The following PPP1R13B variants were observed in gnomAD, a reference collection of about 807,000 sequenced individuals.
PPP1R13B encodes protein phosphatase 1 regulatory subunit 13B.
In PPP1R13B, 44 loss-of-function variants were observed where a neutral mutation model predicts 119.8. The observed-to-expected ratio is 0.37, with a 90% CI of 0.29 to 0.47. The LOEUF (loss-of-function observed/expected upper bound fraction) is 0.47. PPP1R13B is among the 20% of genes least tolerant of loss of function. PPP1R13B has a pLI of 0.99. For synonymous variants in PPP1R13B, 542 were observed against 561.5 expected (o/e 0.97, Z 0.49); for missense variants, 1,227 against 1,413.5 (o/e 0.87, Z 2.12).
intron 14 of PPP1R13B, 135 bp from the exon 15 acceptor site, chr14:103,737,995 T>A: frequency 1.9e-6 from 2 of 1,061,758 alleles, no homozygotes; most frequent in African/African-American, 1.6e-5. Context: ...GTTGTTTCTT[T>A]AAAGGCAGGA....
chr14:103,831,800 G>C (rs1317931160), intron 1 of PPP1R13B, among the ~76,000 whole-genome samples: 3 of 152,016 alleles, frequency 2.0e-5, no homozygotes, highest in Admixed American at 6.6e-5. Flanking sequence ...GCCAGGCATG[G>C]TGACACATGG....
chr14:103,773,890 T>C (rs935884090), intron 4 of PPP1R13B, among the ~76,000 whole-genome samples: 5 of 152,228 alleles, frequency 3.3e-5, no homozygotes, highest in Non-Finnish European at 7.3e-5. Context: ...TGAAATGTTA[T>C]CTGGCCTAGG....
rs1393933091 is a variant in PPP1R13B at position 103,737,833 on chromosome 14, A to T, written c.2892T>A (p.Cys964Ter). ...GCTGTTTGCAGAGGTGAACGCTGTT[A>T]CAAGAGGCAGCGCAGTGCAGCGGCG... is the stretch of plus-strand genomic sequence containing the variant. ...GWTPLHCAAS[C>*]NSVHLCKQLV... Residue 964 changes from cysteine (C) to a stop codon, truncating the protein, a stop_gained, in exon 15 of 17, where the codon TGT (cysteine) becomes TGA (stop). Transcript: ENST00000202556. LOFTEE classifies it high-confidence loss of function. The T allele has an allele frequency of 6.2e-7, 1 of 1,614,180 alleles. No homozygotes were observed.
Position 103,740,304 on chromosome 14 carries a change from G to C in PPP1R13B, c.2112C>G (p.Pro704=). The change falls in exon 12 of 17, where the codon CCC becomes CCG. Residue 704 remains proline, a synonymous_variant. Transcript: ENST00000202556. This position sits in a 1 kb window ranked among gnomAD's most constrained non-coding sequence, Gnocchi z 4.6. ...CTGTGATGGAGCTGCGCTTTTTCAG[G>C]GGCCGGGGCGCGTTGGCCAGCTTCC... The part of the protein sequence containing the change: ...LRRKLANAPR[P]LKKRSSITEP... The C allele has an allele frequency of 6.3e-7, 1 of 1,580,426 alleles. No individual in the cohort carries two copies. The highest frequency in any genetic ancestry group is 1.1e-5 in the South Asian group (1 of 86,966).
At chr14:103,848,397 C>T (rs1028007859), upstream of PPP1R13B, 204 of 985,446 alleles carry the variant, frequency 2.1e-4, no homozygotes, top group African/African-American at 3.3e-3. Flanking sequence ...GCCTGAGCGC[C>T]GGAGTGACAG....
In PPP1R13B at chr14:103,779,611, CAA is replaced by C. The variant is rs11295714; in HGVS notation, c.278-792_278-791del. ...GCAACGTGGCGAAAATCTGTCTCTACAAAAAAAAAAAAATACAGAAAGTAGCG... is the reference window on the plus strand; with the variant it reads ...GCAACGTGGCGAAAATCTGTCTCTACAAAAAAAAAAATACAGAAAGTAGCG... On this transcript the variant is annotated intron_variant, in intron 3 of 16. Transcript: ENST00000202556. 1.6e-3 allele frequency among the ~76,000 whole-genome samples: 222 copies of C among 137,202 alleles called. 1 individual carries two copies. Among genetic ancestry groups the C allele is most frequent in the African/African-American group, 4.7e-3 (178 of 37,900 alleles). 90.0% of individuals were successfully genotyped at this position (137,202 alleles called of 152,430 possible).
chr14:103,841,371 T>C (rs2152087691), intron 1 of PPP1R13B, among the ~76,000 whole-genome samples: 2 of 151,856 alleles, frequency 1.3e-5, no homozygotes, highest in South Asian at 4.2e-4. Flanking sequence ...GCAGATCACT[T>C]GAAGTCAGGA....
At chr14:103,786,677 A>C (rs1356769988) in intron 2 of PPP1R13B, among the ~76,000 whole-genome samples, 1 of 149,858 alleles carries the variant, frequency 6.7e-6, no homozygotes, top group Non-Finnish European at 1.5e-5. Context: ...AGGCAGAAGA[A>C]TCACTTGAAC....
chr14:103,815,649 G>C (rs2086260089), intron 1 of PPP1R13B, among the ~76,000 whole-genome samples: 1 of 152,094 alleles, frequency 6.6e-6, no homozygotes, highest in Non-Finnish European at 1.5e-5. Flanking sequence ...CAGCTACTCA[G>C]GAGGCTGAGG....
chr14:103,826,328 G>A (rs1045957378), intron 1 of PPP1R13B, among the ~76,000 whole-genome samples: 5 of 152,072 alleles, frequency 3.3e-5, no homozygotes, highest in Non-Finnish European at 7.3e-5. Context: ...ACTACTTCCC[G>A]CTCAGCCCAG....
At position 103,753,181 on chromosome 14, in the gene PPP1R13B, C is replaced by G; in HGVS notation, c.647G>C (p.Arg216Thr). ...MNGNLSAEIE[R>T]FSAMFQEKKQ... ...CTTTTCCTGGAACATGGCACTGAAC[C>G]TTTCTATTTCAGCAGCTATAATTGA... Residue 216 changes from arginine to threonine, a missense_variant, in exon 7 of 17, where the codon AGG becomes ACG. Physicochemically the swap from Arg to Thr is moderately conservative, Grantham distance 71 (BLOSUM62 -1). Transcript: ENST00000202556. 6.2e-7 allele frequency: 1 copy of G among 1,611,244 alleles called. No homozygotes were observed. The highest frequency in any genetic ancestry group is 8.5e-7 in the Non-Finnish European group (1 of 1,179,494).
At chr14:103,842,838 A>G (rs1358152315) in intron 1 of PPP1R13B, among the ~76,000 whole-genome samples, 1 of 151,760 alleles carries the variant, frequency 6.6e-6, no homozygotes, top group East Asian at 2.0e-4. Context: ...TTAGCCAGGC[A>G]TGGTGGCATG....
intron 7 of PPP1R13B, among the ~76,000 whole-genome samples, chr14:103,750,617 G>C (rs906513809): frequency 5.3e-5 from 8 of 152,076 alleles, no homozygotes; most frequent in Non-Finnish European, 1.0e-4. Context: ...GATCACCTGA[G>C]GTCAAGAGTT....
intron 1 of PPP1R13B, among the ~76,000 whole-genome samples, chr14:103,833,777 A>AG (rs1478531718): frequency 7.9e-5 from 12 of 152,188 alleles, no homozygotes; most frequent in African/African-American, 2.7e-4. Flanking sequence ...CCTGAGGTTG[A>AG]GAAGACCTCT....
chr14:103,765,183 C>T (rs1040614142), intron 4 of PPP1R13B, among the ~76,000 whole-genome samples: 3 of 152,090 alleles, frequency 2.0e-5, no homozygotes, highest in Non-Finnish European at 2.9e-5. Context: ...ACATTTTGTT[C>T]GTGATGTCTT....
rs2084617073 is a variant in PPP1R13B, at chr14:103,754,094, T to C, written c.607A>G (p.Ser203Gly). The change falls in exon 6 of 17, where the codon AGC becomes GGC. Residue 203 changes from serine to glycine, a missense_variant. Coordinates refer to ENST00000202556, the MANE Select transcript of PPP1R13B (RefSeq NM_015316.3). ...CACAGATTGCCGTTCATGATTTTGC[T>C]GTAGTCGACTTGTCCTCTCATTGCA... ...IRAMRGQVDY[S>G]KIMNGNLSAE... The C allele has an allele frequency of 6.2e-7, 1 of 1,614,104 alleles. No homozygotes were observed. The highest frequency in any genetic ancestry group is 8.5e-7 in the Non-Finnish European group (1 of 1,180,008).
chr14:103,819,698 C>T (rs921910968), intron 1 of PPP1R13B, among the ~76,000 whole-genome samples: 11 of 151,918 alleles, frequency 7.2e-5, no homozygotes, highest in African/African-American at 1.9e-4. Flanking sequence ...AGGTCATGCC[C>T]TAGAGAGAAA....
At position 103,734,733 on chromosome 14, in the gene PPP1R13B, C is replaced by CGGGGGGCAGGGCGGTCGCA; in HGVS notation, c.*402_*420dup. On this transcript the variant is annotated 3_prime_UTR_variant, in exon 17 of 17. Coordinates refer to ENST00000202556, the MANE Select transcript of PPP1R13B (RefSeq NM_015316.3). The stretch of plus-strand genomic sequence containing the variant: ...AAAGGATGAGTGTCCGATTCGGTGA[C>CGGGGGGCAGGGCGGTCGCA]GGGGGGCAGGGCGGTCGCAGGGGAG... The CGGGGGGCAGGGCGGTCGCA allele has an allele frequency of 4.3e-6, 2 of 460,950 alleles. No individual in the cohort carries two copies. The highest frequency in any genetic ancestry group is 8.7e-6 in the Non-Finnish European group (2 of 229,826). 28.6% of individuals were successfully genotyped at this position (460,950 alleles called of 1,614,324 possible).
Position 103,784,911 on chromosome 14 carries a change from C to T in PPP1R13B, c.161G>A (p.Arg54His), listed in dbSNP as rs1407598003. 11 of 1,562,448 alleles carry T rather than the reference C, an allele frequency of 7.0e-6. No homozygotes were observed. Among genetic ancestry groups the T allele is most frequent in the African/African-American group, 1.4e-5 (1 of 73,916 alleles). Residue 54 changes from arginine to histidine, a missense_variant, in exon 3 of 17, where the codon CGT becomes CAT. Transcript: ENST00000202556. ...HLAEVWRGNE[R>H]PIPFDHMMYE... ...CATCATATGATCAAAGGGTATGGGA[C>T]GTTCTAGGAAAAAGACCACATCTTT...
Sources: allele counts gnomAD v4.1 joint callset (sites outside exome capture counted in the v4.1 genomes callset), GRCh38; gene constraint gnomAD v4.1.1; non-coding constraint Gnocchi (gnomAD v3.1); transcripts MANE v1.5; gene names NCBI Gene and HGNC (gene_info 2026-07-23, HGNC 2026-07-21).